The following TAF3 variants were observed in gnomAD, a reference collection of about 807,000 sequenced individuals.
TAF3 encodes the protein transcription initiation factor TFIID subunit 3.
In TAF3, 7 loss-of-function variants were observed where a neutral mutation model predicts 80.6. That is an observed-to-expected ratio of 0.09 (90% CI 0.05 to 0.16). The LOEUF is 0.16. Among genes scored for constraint, TAF3 ranks in the 10% least tolerant of loss-of-function variants. The pLI is 1.00. For synonymous variants in TAF3, 444 were observed against 446.1 expected, an observed-to-expected ratio of 1.00 and a Z score of 0.06; for missense variants, 921 against 1,140.2, an observed-to-expected ratio of 0.81 and a Z score of 2.77.
At chr10:7,863,321 G>A (rs914616921) in intron 2 of TAF3, among the ~76,000 whole-genome samples, 1 of 151,974 alleles carries the variant, frequency 6.6e-6, no homozygotes, top group Non-Finnish European at 1.5e-5. Flanking sequence ...TCTGATTAAA[G>A]AATATAAGGC....
At chr10:7,962,904 A>C (rs1187242640) in intron 2 of TAF3, among the ~76,000 whole-genome samples, 1 of 152,206 alleles carries the variant, frequency 6.6e-6, no homozygotes, top group African/African-American at 2.4e-5. Flanking sequence ...ATGCTTAGTT[A>C]AAATGTGTTG....
At position 7,840,895 on chromosome 10, in the gene TAF3, G is replaced by A. The variant is rs541287064; in HGVS notation, c.409+16335G>A. Among the ~76,000 whole-genome samples, 22 of 151,754 alleles carry A rather than the reference G, an allele frequency of 1.4e-4. 1 individual carries two copies. In the East Asian group the frequency reaches 4.3e-3, roughly 29 times the overall value. On this transcript the variant is annotated intron_variant, in intron 2 of 6. Transcript: ENST00000344293. Reference sequence around the variant, plus strand: ...ATGGAGTTTTGCTCTTGTTGCCCAGGCTGGCGTGCAATGGCGTGATCTCGG... The same window carrying A: ...ATGGAGTTTTGCTCTTGTTGCCCAGACTGGCGTGCAATGGCGTGATCTCGG...
chr10:7,932,669 ATTTTTTT>A (rs34907761), intron 2 of TAF3, among the ~76,000 whole-genome samples: 19 of 78,820 alleles, frequency 2.4e-4, no homozygotes, highest in South Asian at 2.4e-3. Context: ...GTTCCACTTA[ATTTTTTT>A]TTTTTTTTTT....
At chr10:7,934,448 TTTATTTATTTA>T (rs1837897579) in intron 2 of TAF3, among the ~76,000 whole-genome samples, 6 of 152,150 alleles carry the variant, frequency 3.9e-5, no homozygotes, top group Admixed American at 3.9e-4. Flanking sequence ...TATTTATTTA[TTTATTTATTTA>T]TTTGAGACAG....
intron 4 of TAF3, among the ~76,000 whole-genome samples, chr10:7,980,753 A>G (rs1428938589): frequency 6.6e-6 from 1 of 152,136 alleles, no homozygotes; most frequent in African/African-American, 2.4e-5. Flanking sequence ...ACTGCCTGCA[A>G]CTCTGTTGAT....
At chr10:7,842,814 A>G (rs1159869568) in intron 2 of TAF3, among the ~76,000 whole-genome samples, 1 of 152,118 alleles carries the variant, frequency 6.6e-6, no homozygotes, top group Non-Finnish European at 1.5e-5. Flanking sequence ...AATGTCGTAT[A>G]TTTTTACAGA....
chr10:7,913,794 T>C (rs1183506203), intron 2 of TAF3, among the ~76,000 whole-genome samples: 1 of 152,222 alleles, frequency 6.6e-6, no homozygotes, highest in African/African-American at 2.4e-5. Context: ...ACCTATAAAC[T>C]GTTCTTGCCA....
intron 4 of TAF3, among the ~76,000 whole-genome samples, chr10:7,985,839 A>G (rs1564377629): frequency 7.2e-6 from 1 of 137,950 alleles, no homozygotes; most frequent in African/African-American, 2.8e-5. Context: ...GCTGAAGTGC[A>G]GTGGTGTGAT....
chr10:7,900,095 A>C (rs1837544386), intron 2 of TAF3, among the ~76,000 whole-genome samples: 1 of 152,178 alleles, frequency 6.6e-6, no homozygotes, highest in South Asian at 2.1e-4. Context: ...TAATGGTGTA[A>C]AGCTTACACC....
At chr10:7,843,192 C>G (rs1250605777) in intron 2 of TAF3, among the ~76,000 whole-genome samples, 1 of 152,042 alleles carries the variant, frequency 6.6e-6, no homozygotes, top group Non-Finnish European at 1.5e-5. Flanking sequence ...ACTGCAGCCT[C>G]AAATTCCCAG....
At chr10:7,894,560 T>A (rs1223031200) in intron 2 of TAF3, among the ~76,000 whole-genome samples, 1 of 152,222 alleles carries the variant, frequency 6.6e-6, no homozygotes, top group African/African-American at 2.4e-5. Context: ...GATTTTTAAT[T>A]GGTCATTGTT....
intron 2 of TAF3, among the ~76,000 whole-genome samples, chr10:7,937,363 G>A (rs891067621): frequency 4.6e-5 from 7 of 152,062 alleles, no homozygotes; most frequent in African/African-American, 7.2e-5. Context: ...GCAGTGTTTC[G>A]GCTTTTGGTC....
At chr10:7,831,114 C>A (rs888986480) in intron 2 of TAF3, among the ~76,000 whole-genome samples, 7 of 152,110 alleles carry the variant, frequency 4.6e-5, no homozygotes, top group Admixed American at 2.0e-4. Flanking sequence ...TTATTTCATT[C>A]TTTAGTTGAA....
chr10:7,881,490 AACAC>A (rs3039468), intron 2 of TAF3, among the ~76,000 whole-genome samples: 3,541 of 148,662 alleles, frequency 0.024, 116 homozygotes, highest in African/African-American at 0.077. Flanking sequence ...CATACACACA[AACAC>A]ACACACACAC....
Position 7,818,550 on chromosome 10 carries a change from C to A in TAF3, c.-160C>A. ...CAAAATGGCGGCTCTCAGGCTGGCGCGCTCCGTGCTGCTGGGGCTTTGAGG... is the reference window on the plus strand; with the variant it reads ...CAAAATGGCGGCTCTCAGGCTGGCGAGCTCCGTGCTGCTGGGGCTTTGAGG... On this transcript the variant is annotated 5_prime_UTR_variant, in exon 1 of 7. Coordinates refer to ENST00000344293, the MANE Select transcript of TAF3 (RefSeq NM_031923.4). The A allele has an allele frequency of 4.4e-6, 3 of 688,030 alleles. No individual in the cohort carries two copies. The highest frequency in any genetic ancestry group is 6.6e-6 in the Non-Finnish European group (3 of 454,160). The allele number at this position is 688,030 out of a possible 1,614,324, so 42.6% of individuals were successfully genotyped here. A position where few individuals can be genotyped will look rare whatever the true frequency, so the allele number is the denominator to read the frequency against.
intron 2 of TAF3, among the ~76,000 whole-genome samples, chr10:7,944,468 G>A (rs1036301301): frequency 3.9e-5 from 6 of 152,042 alleles, no homozygotes; most frequent in African/African-American, 1.2e-4. Context: ...AAAATGAAAC[G>A]CAGTAAAAGT....
chr10:7,946,545 C>G (rs918696366), intron 2 of TAF3, among the ~76,000 whole-genome samples: 1 of 152,118 alleles, frequency 6.6e-6, no homozygotes, highest in Non-Finnish European at 1.5e-5. Flanking sequence ...GCGACGTGGC[C>G]AAACCTCGTC....
chr10:7,915,383 G>A (rs143578710), intron 2 of TAF3, among the ~76,000 whole-genome samples: 2,846 of 150,662 alleles, frequency 0.019, 32 homozygotes, highest in East Asian at 0.057. Flanking sequence ...AGTGGCTCAC[G>A]CCTGTAATCC....
intron 2 of TAF3, among the ~76,000 whole-genome samples, chr10:7,878,082 T>C (rs573638595): frequency 2.0e-5 from 3 of 152,336 alleles, no homozygotes; most frequent in Admixed American, 6.5e-5. Context: ...ACGGGTATTA[T>C]GCATCTGACC....
Sources: allele counts gnomAD v4.1 joint callset (sites outside exome capture counted in the v4.1 genomes callset), GRCh38; gene constraint gnomAD v4.1.1; transcripts MANE v1.5; gene names NCBI Gene and HGNC (gene_info 2026-07-23, HGNC 2026-07-21).